Variants in ROBO2 observed in about 807,000 individuals in gnomAD.
ROBO2 encodes the protein roundabout homolog 2.
Under a neutral mutation model 160.8 loss-of-function variants are expected in ROBO2, and 53 were observed. The observed-to-expected ratio is 0.33, with a 90% CI of 0.26 to 0.41. The LOEUF is 0.41. Among genes scored for constraint, ROBO2 ranks in the 10% least tolerant of loss-of-function variants. The pLI is 1.00. For missense variants in ROBO2, 1,577 were observed against 1,722.4 expected (o/e 0.92, Z 1.49); for synonymous variants, 664 against 611.7 (o/e 1.09, Z -1.26).
chr3:77,002,459 T>A (rs2061381213), intron 2 of ROBO2, among the ~76,000 whole-genome samples: 2 of 151,998 alleles, frequency 1.3e-5, no homozygotes, highest in Non-Finnish European at 1.5e-5. Flanking sequence ...TAATCACAGA[T>A]CATTTGATAT....
At chr3:77,550,714 G>A in intron 7 of ROBO2, 104 bp from the exon 9 acceptor site, 2 of 1,158,184 alleles carry the variant, frequency 1.7e-6, no homozygotes, top group Non-Finnish European at 2.6e-6. Flanking sequence ...TTTAATCTGT[G>A]TATTTTCTTT....
chr3:77,299,336 G>A (rs2062444194), intron 2 of ROBO2, among the ~76,000 whole-genome samples: 1 of 152,094 alleles, frequency 6.6e-6, no homozygotes, highest in Non-Finnish European at 1.5e-5. Flanking sequence ...GAGATAAGAA[G>A]GACTGAAAGC....
At chr3:77,257,648 C>A (rs1483855294) in intron 2 of ROBO2, among the ~76,000 whole-genome samples, 2 of 152,210 alleles carry the variant, frequency 1.3e-5, no homozygotes, top group Non-Finnish European at 2.9e-5. Context: ...ACCCTTTGCA[C>A]AGTTGTACTT....
intron 6 of ROBO2, among the ~76,000 whole-genome samples, chr3:77,537,281 T>G (rs892505396): frequency 1.8e-4 from 27 of 152,114 alleles, no homozygotes; most frequent in African/African-American, 6.0e-4. Context: ...GAGTTTTTTT[T>G]GTGGGGAGGA....
intron 2 of ROBO2, among the ~76,000 whole-genome samples, chr3:77,350,767 G>A (rs537429749): frequency 1.3e-5 from 2 of 152,232 alleles, no homozygotes; most frequent in South Asian, 2.1e-4. Context: ...GGCACTTGTC[G>A]TTAAGGTCAC....
At chr3:77,562,518 A>G (rs1258102594) in intron 9 of ROBO2, 133 bp from the exon 11 acceptor site, 2 of 646,024 alleles carry the variant, frequency 3.1e-6, no homozygotes, top group East Asian at 5.9e-5. Context: ...CATATGATTG[A>G]CTCTAATGCA....
Position 76,768,452 on chromosome 3 carries a change from C to T in ROBO2, c.110-329562C>T, listed in dbSNP as rs77878412. Among the ~76,000 whole-genome samples, 562 of 151,406 alleles carry T rather than the reference C, an allele frequency of 3.7e-3. 1 individual carries two copies. Among genetic ancestry groups the T allele is most frequent in the South Asian group, 0.014 (66 of 4,818 alleles). ...CTCATGATGTATAATCAAGTTGAAACTAATTTTTAATCACTTCTTTGTTCT... is the reference window on the plus strand; with the variant it reads ...CTCATGATGTATAATCAAGTTGAAATTAATTTTTAATCACTTCTTTGTTCT... On this transcript the variant is annotated intron_variant, in intron 2 of 26. Coordinates refer to the ROBO2 transcript ENST00000487694.
intron 1 of ROBO2, among the ~76,000 whole-genome samples, chr3:77,062,470 G>A (rs1189942044): frequency 6.6e-6 from 1 of 152,060 alleles, no homozygotes; most frequent in Non-Finnish European, 1.5e-5. Context: ...GTATCCAAGA[G>A]GACTTAGTGG....
chr3:76,569,030 G>A (rs1440578772), intron 2 of ROBO2, among the ~76,000 whole-genome samples: 1 of 152,120 alleles, frequency 6.6e-6, no homozygotes, highest in African/African-American at 2.4e-5. Context: ...ATTATTCAAT[G>A]ACTTGATATA....
At chr3:77,163,079 G>A (rs982865768) in intron 2 of ROBO2, among the ~76,000 whole-genome samples, 2 of 151,874 alleles carry the variant, frequency 1.3e-5, no homozygotes, top group African/African-American at 2.4e-5. Context: ...CAGGTGATCC[G>A]CCTGCCTCTT....
At chr3:77,272,417 G>C (rs77728429) in intron 2 of ROBO2, among the ~76,000 whole-genome samples, 7 of 151,854 alleles carry the variant, frequency 4.6e-5, no homozygotes, top group African/African-American at 7.2e-5. Flanking sequence ...AGAGAAGGGC[G>C]GGGGGGAGGT....
chr3:76,686,784 A>AC (rs2092695114), intron 2 of ROBO2, among the ~76,000 whole-genome samples: 1 of 151,856 alleles, frequency 6.6e-6, no homozygotes, highest in Non-Finnish European at 1.5e-5. Flanking sequence ...AAGGCAAGAG[A>AC]CCCCCATCTC....
At position 77,317,350 on chromosome 3, in the gene ROBO2, C is replaced by T. The variant is rs372460392; in HGVS notation, c.389-160064C>T. On this transcript the variant is annotated intron_variant, in intron 2 of 25. Coordinates refer to ENST00000461745, the Ensembl canonical transcript of ROBO2. The stretch of plus-strand genomic sequence containing the variant: ...AGGCCACGTGCAAGCTGACCGTCCA[C>T]GCTCATCTCGGTGCCTAGTGTATTG... The T allele has an allele frequency of 1.1e-5, 9 of 844,654 alleles. No homozygotes were observed. In the African/African-American group the frequency reaches 1.3e-4, roughly 13 times the overall value. The allele number at this position is 844,654 out of a possible 1,614,324, so 52.3% of individuals were successfully genotyped here.
intron 2 of ROBO2, among the ~76,000 whole-genome samples, chr3:76,346,299 G>A (rs1464019950): frequency 6.6e-6 from 1 of 151,082 alleles, no homozygotes; most frequent in Admixed American, 6.6e-5. Context: ...CCAGGCTGGA[G>A]TGCAGTGGCG....
chr3:76,374,698 T>A (rs2076259075), intron 2 of ROBO2, among the ~76,000 whole-genome samples: 1 of 152,040 alleles, frequency 6.6e-6, no homozygotes, highest in African/African-American at 2.4e-5. Flanking sequence ...TAGACAGAAT[T>A]GAAAATTTAA....
At chr3:76,897,071 G>A (rs1176963450) in intron 2 of ROBO2, among the ~76,000 whole-genome samples, 1 of 152,058 alleles carries the variant, frequency 6.6e-6, no homozygotes. Context: ...TCATAGAAGG[G>A]TCTAAGAATA....
intron 2 of ROBO2, among the ~76,000 whole-genome samples, chr3:76,366,655 A>G (rs2075825109): frequency 6.6e-6 from 1 of 152,054 alleles, no homozygotes; most frequent in African/African-American, 2.4e-5. Context: ...TTGAAATTCA[A>G]GATATTTCTT....
intron 2 of ROBO2, among the ~76,000 whole-genome samples, chr3:76,493,528 T>C (rs906297278): frequency 2.0e-5 from 3 of 151,910 alleles, no homozygotes; most frequent in Non-Finnish European, 4.4e-5. Flanking sequence ...AAGTTCATTC[T>C]CTTCCACTAA....
intron 2 of ROBO2, among the ~76,000 whole-genome samples, chr3:77,252,831 A>AAAATATATATATATATATAT: frequency 1.6e-4 from 2 of 12,520 alleles, no homozygotes; most frequent in Non-Finnish European, 4.3e-4. Flanking sequence ...AAAAAAAAAA[A>AAAATATATATATATATATAT]ATATATATAT....
Sources: allele counts gnomAD v4.1 joint callset (sites outside exome capture counted in the v4.1 genomes callset), GRCh38; gene constraint gnomAD v4.1.1; transcripts MANE v1.5; gene names NCBI Gene and HGNC (gene_info 2026-07-23, HGNC 2026-07-21).